JAKMIP1: variants seen among roughly 807,000 people sequenced by gnomAD.
JAKMIP1 encodes the protein janus kinase and microtubule interacting protein 1.
In JAKMIP1, 33 loss-of-function variants were observed where a neutral mutation model predicts 113.0. That is an observed-to-expected ratio of 0.29 (90% CI 0.22 to 0.39). JAKMIP1 has a LOEUF of 0.39. Ranked by LOEUF, JAKMIP1 falls within the 10% of genes least tolerant of loss-of-function variation. The pLI, the probability that JAKMIP1 is intolerant of heterozygous loss-of-function variation, is 1.00. For missense variants in JAKMIP1, 813 were observed against 1,080.5 expected (o/e 0.75, Z 3.47); for synonymous variants, 480 against 459.9 (o/e 1.04, Z -0.56).
chr4:6,062,092 C>T (rs1717369754), intron 10 of JAKMIP1, among the ~76,000 whole-genome samples: 1 of 152,240 alleles, frequency 6.6e-6, no homozygotes, highest in African/African-American at 2.4e-5. Flanking sequence ...TGTAGCGTTG[C>T]TTCCTCTAAC....
chr4:6,098,698 A>AG (rs1712410364), intron 3 of JAKMIP1, among the ~76,000 whole-genome samples: 13 of 7,136 alleles, frequency 1.8e-3, no homozygotes, highest in South Asian at 0.025. Flanking sequence ...GAAAGAAAGA[A>AG]AGAAAGAAAG....
rs1254645752 is a variant in JAKMIP1, at chr4:6,106,488, C to T, written c.130-521G>A. Among the ~76,000 whole-genome samples the T allele has an allele frequency of 6.6e-6, 1 of 151,994 alleles. No individual in the cohort carries two copies. The highest frequency in any genetic ancestry group is 1.5e-5 in the Non-Finnish European group (1 of 68,016). On this transcript the variant is annotated intron_variant, in intron 2 of 20. Transcript: ENST00000409021. This position sits in a 1 kb window ranked among gnomAD's most constrained non-coding sequence, Gnocchi z 5.9. ...CATCACCCACATTGCCACATGAACC[C>T]CTCACGGTCTTGGGAAGGAAGTAGC...
intron 3 of JAKMIP1, among the ~76,000 whole-genome samples, chr4:6,101,266 G>T (rs2108865307): frequency 6.6e-6 from 1 of 152,138 alleles, no homozygotes; most frequent in East Asian, 1.9e-4. Context: ...GAGAGTGTGT[G>T]TGGTGTGTGT....
rs370376758 is a variant in JAKMIP1 at position 6,140,482 on chromosome 4, G to A, written c.-147-27485C>T. 6.6e-6 allele frequency among the ~76,000 whole-genome samples: 1 copy of A among 152,156 alleles called. No individual in the cohort carries two copies. Among genetic ancestry groups the A allele is most frequent in the Non-Finnish European group, 1.5e-5 (1 of 68,012 alleles). On this transcript the variant is annotated intron_variant, in intron 1 of 20. Coordinates refer to ENST00000409021, the MANE Select transcript of JAKMIP1 (RefSeq NM_001099433.2). The surrounding 1 kb of genome is among the most constrained non-coding windows in gnomAD (Gnocchi z 9.4). ...CATCAACACTGGGGGTCAGTGATTC[G>A]TGGTCCCCCCGATCAGCTTAAGGCC... is the stretch of plus-strand genomic sequence containing the variant.
rs201074701 is a variant in JAKMIP1 at position 6,059,339 on chromosome 4, C to CCAGCTTTG, written c.1644+1077_1644+1084dup. Among the ~76,000 whole-genome samples the CCAGCTTTG allele has an allele frequency of 2.6e-5, 4 of 152,210 alleles. No individual in the cohort carries two copies. The highest frequency in any genetic ancestry group is 1.9e-4 in the East Asian group (1 of 5,176). On this transcript the variant is annotated intron_variant, in intron 11 of 20. Transcript: ENST00000409021. This position sits in a 1 kb window ranked among gnomAD's most constrained non-coding sequence, Gnocchi z 4.8. ...GCCCTGCGGCAGCCATTCTGAGCTGCCAGCTTTGCAGCTTTGCAGCTTTGC... is the reference window on the plus strand; with the variant it reads ...GCCCTGCGGCAGCCATTCTGAGCTGCCAGCTTTGCAGCTTTGCAGCTTTGCAGCTTTGC...
intron 3 of JAKMIP1, among the ~76,000 whole-genome samples, chr4:6,092,797 C>T (rs2108845852): frequency 1.3e-5 from 2 of 152,242 alleles, no homozygotes; most frequent in Middle Eastern, 6.8e-3. Flanking sequence ...GAAATCATTC[C>T]CCCAGATTCA....
chr4:6,173,345 A>T (rs185012688), intron 1 of JAKMIP1, among the ~76,000 whole-genome samples: 15 of 152,352 alleles, frequency 9.8e-5, no homozygotes, highest in Admixed American at 6.5e-4. Context: ...GCAAGCAAAG[A>T]TTCTAAAAAT....
Position 6,141,876 on chromosome 4 carries a change from G to A in JAKMIP1, c.-147-28879C>T, listed in dbSNP as rs1183133412. Among the ~76,000 whole-genome samples, 5 of 152,312 alleles carry A rather than the reference G, an allele frequency of 3.3e-5. No homozygotes were observed. In the East Asian group the frequency reaches 7.7e-4, roughly 23 times the overall value. On this transcript the variant is annotated intron_variant, in intron 1 of 20. Transcript: ENST00000409021. The surrounding 1 kb of genome is among the most constrained non-coding windows in gnomAD (Gnocchi z 9.4). ...CTGTCAGGCTCTGGCATGGAGAGGCGCTTACGCTTCCTAAGGGCGTTAACC... is the reference window on the plus strand; with the variant it reads ...CTGTCAGGCTCTGGCATGGAGAGGCACTTACGCTTCCTAAGGGCGTTAACC...
chr4:6,112,691 C>A (rs772561866), intron 2 of JAKMIP1, 31 bp downstream of exon 2: 1 of 1,607,592 alleles, frequency 6.2e-7, no homozygotes. Flanking sequence ...ATTTGCAGCC[C>A]AGCCGCTGCT....
intron 3 of JAKMIP1, among the ~76,000 whole-genome samples, chr4:6,091,900 A>C (rs938820030): frequency 1.3e-5 from 2 of 152,130 alleles, no homozygotes; most frequent in African/African-American, 4.8e-5. Context: ...CTCCAGTCCC[A>C]AAATCTCTTC....
rs563612781 is a variant in JAKMIP1 at position 6,098,805 on chromosome 4, G to A, written c.624+6668C>T. On this transcript the variant is annotated intron_variant, in intron 3 of 20. Coordinates refer to ENST00000409021, the MANE Select transcript of JAKMIP1 (RefSeq NM_001099433.2). ...AAAGAAAGATTGATTCCTGATGCTC[G>A]AGAAGGCTGGCTCCTGCCGCTTCCT... Among the ~76,000 whole-genome samples the A allele has an allele frequency of 5.0e-4, 76 of 152,270 alleles. 1 individual carries two copies. The South Asian group carries it at 0.012, about 24-fold the overall frequency.
intron 3 of JAKMIP1, among the ~76,000 whole-genome samples, chr4:6,102,994 A>G (rs185141623): frequency 1.1e-4 from 16 of 152,024 alleles, no homozygotes; most frequent in East Asian, 3.9e-4. Flanking sequence ...CGGCCTCCCA[A>G]TGAAACTTTT....
At chr4:6,126,795 C>T (rs1197605949) in intron 1 of JAKMIP1, among the ~76,000 whole-genome samples, 1 of 151,766 alleles carries the variant, frequency 6.6e-6, no homozygotes, top group East Asian at 1.9e-4. Flanking sequence ...CACTCACAAG[C>T]GCACGCACAC....
intron 8 of JAKMIP1, 38 bp downstream of exon 8, chr4:6,078,901 A>G (rs1720077362): frequency 1.9e-6 from 3 of 1,610,706 alleles, no homozygotes; most frequent in South Asian, 1.1e-5. Flanking sequence ...TCCGTGACAC[A>G]GCGGCAAGGT....
Position 6,155,954 on chromosome 4 carries a change from T to C in JAKMIP1, c.-147-42957A>G, listed in dbSNP as rs369170191. On this transcript the variant is annotated intron_variant, in intron 1 of 20. Coordinates refer to ENST00000409021, the MANE Select transcript of JAKMIP1 (RefSeq NM_001099433.2). This position sits in a 1 kb window ranked among gnomAD's most constrained non-coding sequence, Gnocchi z 6.1. ...TGAGAACCGCTGCTGGGGATGAATA[T>C]CTACTGCCACGGAAAGGGTCAGCTC... is the stretch of plus-strand genomic sequence containing the variant. Among the ~76,000 whole-genome samples, 17 of 152,300 alleles carry C rather than the reference T, an allele frequency of 1.1e-4. No individual in the cohort carries two copies. Among genetic ancestry groups the C allele is most frequent in the East Asian group, 3.9e-4 (2 of 5,184 alleles).
intron 1 of JAKMIP1, among the ~76,000 whole-genome samples, chr4:6,126,703 TGCCC>T (rs1717717099): frequency 8.2e-6 from 1 of 121,380 alleles, no homozygotes; most frequent in Non-Finnish European, 1.7e-5. Context: ...CCCACAAGCA[TGCCC>T]ACACCATACA....
At chr4:6,165,193 T>A (rs898041591) in intron 1 of JAKMIP1, among the ~76,000 whole-genome samples, 19 of 152,220 alleles carry the variant, frequency 1.2e-4, no homozygotes, top group Admixed American at 1.2e-3. Context: ...TCAACAGCCA[T>A]TAACATCAAG....
chr4:6,159,263 TACAA>T (rs921306591), intron 1 of JAKMIP1, among the ~76,000 whole-genome samples: 3 of 145,326 alleles, frequency 2.1e-5, no homozygotes, highest in Non-Finnish European at 3.0e-5. Flanking sequence ...CAAATTTAAA[TACAA>T]ACAGAGAAAC....
rs753331107 is a variant in JAKMIP1 at position 6,105,980 on chromosome 4, C to T, written c.130-13G>A. On this transcript the variant is annotated splice_polypyrimidine_tract_variant and intron_variant, in intron 2 of 20. Transcript: ENST00000409021. The stretch of plus-strand genomic sequence containing the variant: ...GCAGTTTGCCCACCTGCAGCCAGAG[C>T]GGCGAGAGAGCCGGTCAGGGTCAGG... 1.1e-5 allele frequency: 17 copies of T among 1,549,696 alleles called. No homozygotes were observed. Among genetic ancestry groups the T allele is most frequent in the South Asian group, 7.1e-5 (6 of 84,634 alleles).
Sources: allele counts gnomAD v4.1 joint callset (sites outside exome capture counted in the v4.1 genomes callset), GRCh38; gene constraint gnomAD v4.1.1; non-coding constraint Gnocchi (gnomAD v3.1); transcripts MANE v1.5; gene names NCBI Gene and HGNC (gene_info 2026-07-23, HGNC 2026-07-21).